SNX5: variants seen among roughly 807,000 people sequenced by gnomAD.
SNX5 encodes the protein sorting nexin 5, also known as sorting nexin-5.
SNX5 carries 31 observed loss-of-function variants against 53.9 expected under a neutral mutation model. That is an observed-to-expected ratio of 0.58 (90% CI 0.43 to 0.78). The LOEUF (loss-of-function observed/expected upper bound fraction) is 0.78. SNX5 is among the 30% of genes least tolerant of loss of function. SNX5 has a pLI of 0.00. For missense variants in SNX5, 471 were observed against 478.8 expected (o/e 0.98, Z 0.15); for synonymous variants, 168 against 171.1 (o/e 0.98, Z 0.14).
At position 17,968,779 on chromosome 20, in the gene SNX5, A is replaced by T; in HGVS notation, c.-354T>A. 3.2e-6 allele frequency: 1 copy of T among 313,462 alleles called. No individual in the cohort carries two copies. The allele number at this position is 313,462 out of a possible 1,614,324, so 19.4% of individuals were successfully genotyped here. A position where few individuals can be genotyped will look rare whatever the true frequency, so the allele number is the denominator to read the frequency against. Reference sequence around the variant, plus strand: ...AAGCAACGGACACTCTCCCAGCAAGACGCGTCTAGAGAAAGACCGCGTTTC... The same window carrying T: ...AAGCAACGGACACTCTCCCAGCAAGTCGCGTCTAGAGAAAGACCGCGTTTC... On this transcript the variant is annotated 5_prime_UTR_variant, in exon 1 of 13. Transcript: ENST00000377759.
At chr20:17,947,798 G>C (rs1416402368) in intron 10 of SNX5, among the ~76,000 whole-genome samples, 153 bp from the exon 11 acceptor site, 1 of 152,162 alleles carries the variant, frequency 6.6e-6, no homozygotes, top group African/African-American at 2.4e-5. Context: ...AGCTTCGCAG[G>C]GATGAGCAAT....
rs567712404 is a variant in SNX5 at position 17,957,860 on chromosome 20, C to T, written c.52-823G>A. 2.6e-5 allele frequency among the ~76,000 whole-genome samples: 4 copies of T among 152,180 alleles called. No homozygotes were observed. The South Asian group carries it at 8.3e-4, about 32-fold the overall frequency. On this transcript the variant is annotated intron_variant, in intron 1 of 12. Coordinates refer to ENST00000377759, the MANE Select transcript of SNX5 (RefSeq NM_014426.4). ...AGGAGGGGTGAATTAGAAAAACCAACCAAGGCCTTACTTAATTAGCACAAT... is the reference window on the plus strand; with the variant it reads ...AGGAGGGGTGAATTAGAAAAACCAATCAAGGCCTTACTTAATTAGCACAAT...
At position 17,968,660 on chromosome 20, in the gene SNX5, T is replaced by C; in HGVS notation, c.-235A>G. ...AGCAGCCTCCCAGTCCCCGCTGCCGTCCATCTTGGAGCCGGGCAAAGACGC... is the reference window on the plus strand; with the variant it reads ...AGCAGCCTCCCAGTCCCCGCTGCCGCCCATCTTGGAGCCGGGCAAAGACGC... On this transcript the variant is annotated 5_prime_UTR_variant, in exon 1 of 13. Coordinates refer to ENST00000377759, the MANE Select transcript of SNX5 (RefSeq NM_014426.4). 1.7e-6 allele frequency: 1 copy of C among 600,518 alleles called. No individual in the cohort carries two copies. The highest frequency in any genetic ancestry group is 3.0e-6 in the Non-Finnish European group (1 of 330,356). The allele number at this position is 600,518 out of a possible 1,614,324, so 37.2% of individuals were successfully genotyped here. A position where few individuals can be genotyped will look rare whatever the true frequency, so the allele number is the denominator to read the frequency against.
At chr20:17,956,174 C>T (rs966940651) in intron 2 of SNX5, among the ~76,000 whole-genome samples, 17 of 151,688 alleles carry the variant, frequency 1.1e-4, no homozygotes, top group Admixed American at 9.8e-4. Flanking sequence ...CTGTAACTTA[C>T]TATGGTTCTA....
In SNX5 at chr20:17,956,796, A is replaced by G. The variant is rs2035368832; in HGVS notation, c.156+137T>C. The G allele has an allele frequency of 6.7e-6, 4 of 596,882 alleles. No individual in the cohort carries two copies. The South Asian group carries it at 7.8e-5, about 12-fold the overall frequency. 37.0% of individuals were successfully genotyped at this position (596,882 alleles called of 1,614,324 possible). On this transcript the variant is annotated intron_variant, in intron 2 of 12. Transcript: ENST00000377759. The stretch of plus-strand genomic sequence containing the variant: ...TCACCTGATGCTTACTGTGAGATAG[A>G]TTAGGGAGGTTCTCACTTAATAGTG...
Position 17,968,508 on chromosome 20 carries a change from T to A in SNX5, c.-83A>T, listed in dbSNP as rs374905911. 67 of 1,193,684 alleles carry A rather than the reference T, an allele frequency of 5.6e-5. 2 individuals carry two copies. In the South Asian group the frequency reaches 7.1e-4, roughly 13 times the overall value. 73.9% of individuals were successfully genotyped at this position (1,193,684 alleles called of 1,614,324 possible). On this transcript the variant is annotated 5_prime_UTR_variant, in exon 1 of 13. Coordinates refer to ENST00000377759, the MANE Select transcript of SNX5 (RefSeq NM_014426.4). ...CCGCCGCCGCCGCCGCCTGGGCGCC[T>A]CTCGGGGGCGGCCACGGCCCCGCCT...
chr20:17,968,164 G>C, intron 1 of SNX5: 1 of 407,412 alleles, frequency 2.5e-6, no homozygotes, highest in Non-Finnish European at 4.3e-6. Context: ...CTCTGGTTCT[G>C]TCCTAATAGA....
intron 4 of SNX5, among the ~76,000 whole-genome samples, chr20:17,952,924 G>A (rs1328529808): frequency 6.6e-6 from 1 of 152,230 alleles, no homozygotes; most frequent in African/African-American, 2.4e-5. Flanking sequence ...AAGCAATGTT[G>A]TAACTGGATT....
intron 11 of SNX5, among the ~76,000 whole-genome samples, chr20:17,946,168 T>C (rs571084583): frequency 6.6e-6 from 1 of 152,314 alleles, no homozygotes; most frequent in South Asian, 2.1e-4. Context: ...AAGAACCCTA[T>C]GGATGTGGAC....
At chr20:17,960,772 A>C (rs2035434368) in intron 1 of SNX5, among the ~76,000 whole-genome samples, 1 of 88,416 alleles carries the variant, frequency 1.1e-5, no homozygotes, top group Non-Finnish European at 2.7e-5. Flanking sequence ...GCGAGTCTCC[A>C]AAAAAAAAAA....
At position 17,948,505 on chromosome 20, in the gene SNX5, G is replaced by T. The variant is rs531653465; in HGVS notation, c.918+385C>A. Among the ~76,000 whole-genome samples the T allele has an allele frequency of 1.5e-3, 228 of 152,362 alleles. 1 individual carries two copies. The highest frequency in any genetic ancestry group is 5.1e-3 in the African/African-American group (213 of 41,588). The stretch of plus-strand genomic sequence containing the variant: ...TTAAAACATATTTGTTCAGGGCAAT[G>T]CAGACAAAGCATGTTTCATTCCCAA... On this transcript the variant is annotated intron_variant, in intron 10 of 12. Transcript: ENST00000377759.
At chr20:17,947,253 A>C (rs1022091190) in intron 11 of SNX5, 25 of 481,174 alleles carry the variant, frequency 5.2e-5, no homozygotes, top group East Asian at 3.3e-4. Context: ...GGGCTAAAAG[A>C]AGCATGACAT....
chr20:17,942,499 G>A (rs1159801529), intron 12 of SNX5, 92 bp from the exon 13 acceptor site: 2 of 1,005,604 alleles, frequency 2.0e-6, no homozygotes, highest in East Asian at 2.4e-5. Context: ...GCTTTTCACG[G>A]GAGGTTTAAA....
At chr20:17,959,261 G>A (rs1817934872) in intron 1 of SNX5, among the ~76,000 whole-genome samples, 1 of 152,216 alleles carries the variant, frequency 6.6e-6, no homozygotes, top group African/African-American at 2.4e-5. Context: ...GCTACCAGCT[G>A]CTTTAGCTGC....
intron 11 of SNX5, chr20:17,947,018 G>C (rs1466423834): frequency 1.3e-5 from 2 of 152,684 alleles, no homozygotes; most frequent in African/African-American, 4.8e-5. Flanking sequence ...TCTCTAAAAA[G>C]ACTGATACTG....
chr20:17,968,537 C>A lies in SNX5; in HGVS notation c.-112G>T. The A allele has an allele frequency of 2.9e-6, 3 of 1,029,048 alleles. No homozygotes were observed. Among genetic ancestry groups the A allele is most frequent in the Non-Finnish European group, 1.3e-6 (1 of 754,144 alleles). The allele number at this position is 1,029,048 out of a possible 1,614,324, so 63.7% of individuals were successfully genotyped here. ...GGGGGCGGCCACGGCCCCGCCTCCG[C>A]CGGCCTCCCTGCCCGACGGCGGCAG... is the stretch of plus-strand genomic sequence containing the variant. On this transcript the variant is annotated 5_prime_UTR_variant, in exon 1 of 13. Transcript: ENST00000377759.
chr20:17,962,126 C>T, intron 1 of SNX5: 3 of 316,696 alleles, frequency 9.5e-6, no homozygotes, highest in Non-Finnish European at 1.4e-5. Flanking sequence ...TGTTCAATCT[C>T]AGCTTTAGAT....
chr20:17,951,665 G>A, intron 5 of SNX5, 70 bp from the exon 6 acceptor site: 1 of 1,068,362 alleles, frequency 9.4e-7, no homozygotes, highest in South Asian at 1.3e-5. Flanking sequence ...GAAGTTCTGA[G>A]TAACATTTTA....
chr20:17,951,457 C>T lies in SNX5; in HGVS notation c.609+43G>A, dbSNP rs113122278. The T allele has an allele frequency of 1.2e-3, 1,447 of 1,196,592 alleles. 12 individuals carry two copies. The African/African-American group carries it at 0.019, about 16-fold the overall frequency. The allele number at this position is 1,196,592 out of a possible 1,614,324, so 74.1% of individuals were successfully genotyped here. A position where few individuals can be genotyped will look rare whatever the true frequency, so the allele number is the denominator to read the frequency against. On this transcript the variant is annotated intron_variant, in intron 6 of 12. Transcript: ENST00000377759. ...AAAGAAACAAAAGGTCACCTATTCC[C>T]GATGAAGTAAAAAATTTTCTCCAAC... is the stretch of plus-strand genomic sequence containing the variant.
Sources: allele counts gnomAD v4.1 joint callset (sites outside exome capture counted in the v4.1 genomes callset), GRCh38; gene constraint gnomAD v4.1.1; transcripts MANE v1.5; gene names NCBI Gene and HGNC (gene_info 2026-07-23, HGNC 2026-07-21).